Variants in C7orf78 observed in about 807,000 individuals in gnomAD.
C7orf78 encodes the protein chromosome 7 open reading frame 78.
At chr7:12,525,576 C>A in the C7orf78 span, among the ~76,000 whole-genome samples, 1 of 152,022 alleles carries the variant, frequency 6.6e-6, no homozygotes, top group Non-Finnish European at 1.5e-5. Flanking sequence ...GATCACTTCA[C>A]AAAAGGGTAA....
the C7orf78 span, among the ~76,000 whole-genome samples, chr7:12,536,513 A>C: frequency 2.0e-5 from 3 of 152,150 alleles, no homozygotes; most frequent in African/African-American, 2.4e-5. Context: ...AAGTTCTCAG[A>C]CATGCCGTGG....
the C7orf78 span, among the ~76,000 whole-genome samples, chr7:12,494,071 A>G: frequency 6.6e-6 from 1 of 152,218 alleles, no homozygotes; most frequent in Non-Finnish European, 1.5e-5. Flanking sequence ...GTAAAAGGCA[A>G]CAGGCTAAAT....
chr7:12,532,892 A>G, the C7orf78 span, among the ~76,000 whole-genome samples: 15 of 152,196 alleles, frequency 9.9e-5, no homozygotes, highest in Non-Finnish European at 1.6e-4. Context: ...CACAGGACAG[A>G]TGAATATAAA....
chr7:12,522,079 T>C, the C7orf78 span, among the ~76,000 whole-genome samples: 1 of 152,098 alleles, frequency 6.6e-6, no homozygotes, highest in Non-Finnish European at 1.5e-5. Context: ...TAGTTTCCCT[T>C]CACTTGCAAC....
chr7:12,506,273 C>A, the C7orf78 span, among the ~76,000 whole-genome samples: 2 of 152,082 alleles, frequency 1.3e-5, no homozygotes, highest in African/African-American at 4.8e-5. Flanking sequence ...ACCATTTGAC[C>A]CAGTGATCCC....
At chr7:12,517,409 A>G in the C7orf78 span, among the ~76,000 whole-genome samples, 43 of 152,322 alleles carry the variant, frequency 2.8e-4, no homozygotes, top group Admixed American at 1.6e-3. Flanking sequence ...AAACAGATTA[A>G]TATGATGTCT....
At chr7:12,498,419 G>A in the C7orf78 span, among the ~76,000 whole-genome samples, 4,212 of 150,940 alleles carry the variant, frequency 0.028, 197 homozygotes, top group African/African-American at 0.097. Flanking sequence ...ACCAAGGCTC[G>A]AGAACTACGT....
chr7:12,533,770 C>T, the C7orf78 span, among the ~76,000 whole-genome samples: 4 of 152,150 alleles, frequency 2.6e-5, no homozygotes, highest in Non-Finnish European at 5.9e-5. Context: ...CCTGTCTCGG[C>T]CTCCCAAAGT....
At chr7:12,527,670 T>A in the C7orf78 span, among the ~76,000 whole-genome samples, 318 of 114,822 alleles carry the variant, frequency 2.8e-3, no homozygotes, top group African/African-American at 7.5e-3. Context: ...GTATATGCTA[T>A]GTGTCACTCA....
At chr7:12,537,433 C>G in the C7orf78 span, among the ~76,000 whole-genome samples, 2 of 152,104 alleles carry the variant, frequency 1.3e-5, no homozygotes, top group African/African-American at 4.8e-5. Context: ...AGTTACAATT[C>G]AAGATGAGAT....
chr7:12,508,911 A>G, the C7orf78 span, among the ~76,000 whole-genome samples: 31 of 152,218 alleles, frequency 2.0e-4, no homozygotes, highest in Non-Finnish European at 4.0e-4. Context: ...AGTCTGGTTG[A>G]AGGAAAACAA....
the C7orf78 span, chr7:12,528,994 A>G: frequency 2.5e-6 from 1 of 398,430 alleles, no homozygotes; most frequent in African/African-American, 2.1e-5. Context: ...CTGGGATTCA[A>G]AACTAATTTT....
the C7orf78 span, among the ~76,000 whole-genome samples, chr7:12,495,804 A>T: frequency 6.6e-6 from 1 of 152,238 alleles, no homozygotes; most frequent in Non-Finnish European, 1.5e-5. Context: ...ATGTAATTCA[A>T]ATAACTTACT....
the C7orf78 span, among the ~76,000 whole-genome samples, chr7:12,492,237 A>T: frequency 3.9e-5 from 6 of 152,262 alleles, no homozygotes; most frequent in South Asian, 1.0e-3. Context: ...CTTGCACTGG[A>T]GTATAGTTAC....
the C7orf78 span, chr7:12,491,986 C>T: frequency 3.9e-5 from 6 of 152,220 alleles, no homozygotes; most frequent in African/African-American, 1.2e-4. Flanking sequence ...GAATTCTCTG[C>T]CTCAAAAAGA....
chr7:12,532,836 G>C, the C7orf78 span, among the ~76,000 whole-genome samples: 1 of 152,098 alleles, frequency 6.6e-6, no homozygotes, highest in African/African-American at 2.4e-5. Context: ...TTCTATGAGG[G>C]AGTACACAGA....
chr7:12,485,834 G>A, the C7orf78 span, among the ~76,000 whole-genome samples: 15 of 151,092 alleles, frequency 9.9e-5, 1 homozygote, highest in South Asian at 1.3e-3. Flanking sequence ...TAATTTGCAC[G>A]TCATAGGGCC....
the C7orf78 span, among the ~76,000 whole-genome samples, chr7:12,489,891 T>C: frequency 1.3e-5 from 2 of 152,152 alleles, no homozygotes; most frequent in African/African-American, 4.8e-5. Context: ...TTGCTTTCAA[T>C]AGCTAGTGGA....
At chr7:12,517,111 C>A in the C7orf78 span, among the ~76,000 whole-genome samples, 1 of 151,874 alleles carries the variant, frequency 6.6e-6, no homozygotes, top group Non-Finnish European at 1.5e-5. Flanking sequence ...AATTGTACTC[C>A]CATAATTCCC....
Sources: allele counts gnomAD v4.1 joint callset (sites outside exome capture counted in the v4.1 genomes callset), GRCh38; gene constraint gnomAD v4.1.1; transcripts MANE v1.5; gene names NCBI Gene and HGNC (gene_info 2026-07-23, HGNC 2026-07-21).